PDE4B: variants seen among roughly 807,000 people sequenced by gnomAD.
PDE4B encodes the protein 3',5'-cyclic-AMP phosphodiesterase 4B.
A neutral mutation model predicts 82.2 loss-of-function variants in PDE4B; 20 were observed. That is an observed-to-expected ratio of 0.24 (90% CI 0.17 to 0.35). The LOEUF (loss-of-function observed/expected upper bound fraction) is 0.35, where lower values mean the gene tolerates loss of function less well. PDE4B is among the 10% of genes least tolerant of loss of function. The pLI is 1.00. For missense variants in PDE4B, 655 were observed against 907.2 expected (o/e 0.72, Z 3.57); for synonymous variants, 320 against 318.9 (o/e 1.00, Z -0.04).
At chr1:66,006,782 A>G (rs897777291) in intron 3 of PDE4B, among the ~76,000 whole-genome samples, 4 of 151,992 alleles carry the variant, frequency 2.6e-5, no homozygotes, top group African/African-American at 4.8e-5. Context: ...CCTTCCTGCA[A>G]TCATGTGAAG....
At chr1:65,891,743 G>A (rs935763048) in intron 1 of PDE4B, among the ~76,000 whole-genome samples, 2 of 151,960 alleles carry the variant, frequency 1.3e-5, no homozygotes, top group African/African-American at 4.8e-5. Flanking sequence ...TTTTATTGCA[G>A]TGCAAGGTGC....
At chr1:65,842,108 C>T (rs910302223) in intron 1 of PDE4B, among the ~76,000 whole-genome samples, 5 of 151,928 alleles carry the variant, frequency 3.3e-5, no homozygotes, top group African/African-American at 7.3e-5. Flanking sequence ...GGGTTTTAAG[C>T]GAAATAGATC....
chr1:66,312,056 T>TAGTA (rs1658712605), intron 7 of PDE4B, among the ~76,000 whole-genome samples: 1 of 152,214 alleles, frequency 6.6e-6, no homozygotes, highest in Admixed American at 6.5e-5. Context: ...CAGGGATCTA[T>TAGTA]AAAGCTTTTT....
chr1:66,248,208 T>G (rs1653478160), intron 4 of PDE4B, among the ~76,000 whole-genome samples: 1 of 152,200 alleles, frequency 6.6e-6, no homozygotes, highest in African/African-American at 2.4e-5. Context: ...TGTAAAGCAC[T>G]GCTGATATTT....
chr1:66,335,150 C>A (rs1166554775), intron 8 of PDE4B, among the ~76,000 whole-genome samples: 1 of 152,160 alleles, frequency 6.6e-6, no homozygotes, highest in Non-Finnish European at 1.5e-5. Context: ...AACTAAGGAG[C>A]CAGTGTAAAT....
intron 3 of PDE4B, among the ~76,000 whole-genome samples, chr1:66,028,779 C>A (rs986427501): frequency 6.6e-6 from 1 of 152,182 alleles, no homozygotes; most frequent in Non-Finnish European, 1.5e-5. Context: ...CAAGAGTCAC[C>A]TTTGCTCCAG....
In PDE4B at chr1:65,970,761, A is replaced by G. The variant is rs182154297; in HGVS notation, c.281+51926A>G. 8.5e-5 allele frequency among the ~76,000 whole-genome samples: 13 copies of G among 152,156 alleles called. No homozygotes were observed. In the East Asian group the frequency reaches 2.3e-3, roughly 27 times the overall value. ...GGTGAAATACACTGGGGAAGAAAGG[A>G]AGGAGAACATTGCATCTATAACAAG... On this transcript the variant is annotated intron_variant, in intron 3 of 16. Coordinates refer to ENST00000341517, the MANE Select transcript of PDE4B (RefSeq NM_002600.4).
At chr1:65,867,586 C>T (rs1169799570) in intron 1 of PDE4B, among the ~76,000 whole-genome samples, 1 of 152,218 alleles carries the variant, frequency 6.6e-6, no homozygotes, top group Non-Finnish European at 1.5e-5. Context: ...CAGCCTCTAG[C>T]TGTGTGCAGC....
intron 3 of PDE4B, among the ~76,000 whole-genome samples, chr1:66,095,021 A>G (rs1645088447): frequency 6.6e-6 from 1 of 151,926 alleles, no homozygotes; most frequent in Admixed American, 6.6e-5. Flanking sequence ...AAAATTTCCA[A>G]GATCACACCT....
At chr1:65,849,567 C>T (rs1451042563) in intron 1 of PDE4B, among the ~76,000 whole-genome samples, 2 of 152,092 alleles carry the variant, frequency 1.3e-5, no homozygotes, top group Non-Finnish European at 2.9e-5. Flanking sequence ...ACAGGTGGCA[C>T]TGGTGGGGAT....
At chr1:66,189,711 G>T (rs554362681) in intron 3 of PDE4B, among the ~76,000 whole-genome samples, 2 of 152,048 alleles carry the variant, frequency 1.3e-5, no homozygotes, top group South Asian at 4.2e-4. Flanking sequence ...TCTCTGCATT[G>T]GTTATTCTAG....
intron 4 of PDE4B, among the ~76,000 whole-genome samples, chr1:66,255,509 C>G (rs1654148852): frequency 6.6e-6 from 1 of 152,228 alleles, no homozygotes; most frequent in African/African-American, 2.4e-5. Flanking sequence ...CTAATATGCT[C>G]TGCTCCACCC....
At chr1:66,141,994 G>A (rs1021389572) in intron 3 of PDE4B, among the ~76,000 whole-genome samples, 1 of 151,952 alleles carries the variant, frequency 6.6e-6, no homozygotes, top group East Asian at 1.9e-4. Context: ...AGCCTCGCAG[G>A]TAACATACTC....
At chr1:65,820,737 A>G (rs953277760) in intron 1 of PDE4B, among the ~76,000 whole-genome samples, 8 of 152,360 alleles carry the variant, frequency 5.3e-5, no homozygotes, top group African/African-American at 1.9e-4. Context: ...TTACATTGAC[A>G]TTTTATTTAA....
chr1:65,844,648 T>C lies in PDE4B; in HGVS notation c.-71+51400T>C, dbSNP rs550574984. 1.3e-4 allele frequency among the ~76,000 whole-genome samples: 20 copies of C among 152,270 alleles called. 1 individual carries two copies. The highest frequency in any genetic ancestry group is 3.4e-3 in the Middle Eastern group (1 of 294). ...TAGGGAGTTTTGTTCCAAGACTGTT[T>C]AGTGACCAAAACCAAAAAGGCTGCT... On this transcript the variant is annotated intron_variant, in intron 1 of 16. Transcript: ENST00000341517.
chr1:65,930,368 C>T (rs931391673), intron 3 of PDE4B, among the ~76,000 whole-genome samples: 2 of 152,232 alleles, frequency 1.3e-5, no homozygotes, highest in African/African-American at 4.8e-5. Flanking sequence ...TCAGTATTAA[C>T]CATCACAGAG....
intron 3 of PDE4B, among the ~76,000 whole-genome samples, chr1:66,134,515 G>A (rs537587937): frequency 8.5e-5 from 13 of 152,222 alleles, no homozygotes; most frequent in East Asian, 1.9e-4. Flanking sequence ...TAGACTCAGC[G>A]TCCAAAGGGT....
intron 3 of PDE4B, among the ~76,000 whole-genome samples, chr1:66,194,402 A>G (rs1361228963): frequency 6.6e-6 from 1 of 152,146 alleles, no homozygotes; most frequent in Admixed American, 6.6e-5. Context: ...ACATATAATG[A>G]AAACTTTTCC....
chr1:66,100,973 C>A (rs35956835), intron 3 of PDE4B, among the ~76,000 whole-genome samples: 40,029 of 151,888 alleles, frequency 0.26, 6,228 homozygotes, highest in Middle Eastern at 0.36. Flanking sequence ...TAATGCTATC[C>A]CTCCATCCTC....
Sources: allele counts gnomAD v4.1 joint callset (sites outside exome capture counted in the v4.1 genomes callset), GRCh38; gene constraint gnomAD v4.1.1; transcripts MANE v1.5; gene names NCBI Gene and HGNC (gene_info 2026-07-23, HGNC 2026-07-21).